Variants in SOX5 observed in about 807,000 individuals in gnomAD.
The protein encoded by SOX5 is SRY-box transcription factor 5.
Under a neutral mutation model 92.0 loss-of-function variants are expected in SOX5, and 9 were observed. The observed-to-expected ratio is 0.10, with a 90% CI of 0.06 to 0.17. The LOEUF (loss-of-function observed/expected upper bound fraction) is 0.17. Among genes scored for constraint, SOX5 ranks in the 10% least tolerant of loss-of-function variants. The pLI, the probability that SOX5 is intolerant of heterozygous loss-of-function variation, is 1.00. For missense variants in SOX5, 642 were observed against 944.5 expected (o/e 0.68, Z 4.20); for synonymous variants, 344 against 336.3 (o/e 1.02, Z -0.25).
chr12:23,569,488 T>C (rs978845111), intron 10 of SOX5, among the ~76,000 whole-genome samples: 4 of 152,216 alleles, frequency 2.6e-5, no homozygotes, highest in Admixed American at 2.0e-4. Context: ...TTTGAAACTC[T>C]TTAATGTTCC....
chr12:24,363,716 G>GAAAAAA, intron 2 of SOX5, among the ~76,000 whole-genome samples: 1 of 145,324 alleles, frequency 6.9e-6, no homozygotes, highest in Non-Finnish European at 1.5e-5. Context: ...GGAAGCACAT[G>GAAAAAA]AAAAAAAAAA....
intron 2 of SOX5, among the ~76,000 whole-genome samples, chr12:24,300,695 G>T (rs892377873): frequency 1.3e-5 from 2 of 152,094 alleles, no homozygotes; most frequent in African/African-American, 2.4e-5. Context: ...TTCATACTTT[G>T]AGTCTTAAAA....
intron 8 of SOX5, among the ~76,000 whole-genome samples, chr12:23,617,836 G>C (rs1469453656): frequency 6.6e-6 from 1 of 152,066 alleles, no homozygotes; most frequent in Non-Finnish European, 1.5e-5. Context: ...TAAAGAACCA[G>C]ATATATTTTG....
At chr12:23,560,164 C>T (rs1945952301) in intron 11 of SOX5, among the ~76,000 whole-genome samples, 1 of 152,210 alleles carries the variant, frequency 6.6e-6, no homozygotes, top group African/African-American at 2.4e-5. Context: ...CCGCCTCGGC[C>T]TCCCAAAGTG....
chr12:23,694,753 T>G (rs1047988126), intron 6 of SOX5, among the ~76,000 whole-genome samples: 1 of 151,816 alleles, frequency 6.6e-6, no homozygotes, highest in South Asian at 2.1e-4. Flanking sequence ...TTTTGCATTT[T>G]ATAAAGGCAA....
intron 8 of SOX5, among the ~76,000 whole-genome samples, chr12:23,609,614 C>T (rs947289079): frequency 6.6e-6 from 1 of 152,158 alleles, no homozygotes; most frequent in African/African-American, 2.4e-5. Flanking sequence ...ATCATCTATT[C>T]TCATTTGTGT....
chr12:23,949,482 G>C lies in SOX5; in HGVS notation c.38+82C>G, dbSNP rs968223128. 6 of 1,538,010 alleles carry C rather than the reference G, an allele frequency of 3.9e-6. No homozygotes were observed. In the African/African-American group the frequency reaches 8.2e-5, roughly 21 times the overall value. ...CTTCTCTAACAAACACGTTTTGGGG[G>C]AGCATCTTCCAATGATTCAGAGACT... On this transcript the variant is annotated intron_variant, in intron 1 of 14. Coordinates refer to ENST00000451604, the MANE Select transcript of SOX5 (RefSeq NM_006940.6).
At chr12:23,993,718 A>T (rs1950763843) in intron 4 of SOX5, among the ~76,000 whole-genome samples, 2 of 152,184 alleles carry the variant, frequency 1.3e-5, no homozygotes, top group Non-Finnish European at 2.9e-5. Context: ...ATTTGAGAAG[A>T]CATAGATATG....
chr12:24,270,646 G>A (rs1943609181), intron 3 of SOX5, among the ~76,000 whole-genome samples: 1 of 152,130 alleles, frequency 6.6e-6, no homozygotes, highest in African/African-American at 2.4e-5. Context: ...AGTGTTCCTG[G>A]ACACAAATTC....
At chr12:24,246,194 A>G (rs548781043) in intron 3 of SOX5, among the ~76,000 whole-genome samples, 2 of 151,998 alleles carry the variant, frequency 1.3e-5, no homozygotes, top group Non-Finnish European at 2.9e-5. Flanking sequence ...CTTAGTTGTC[A>G]CATCACATTG....
At chr12:24,131,887 C>T (rs1909353) in intron 4 of SOX5, among the ~76,000 whole-genome samples, 117,908 of 152,068 alleles carry the variant, frequency 0.78, 46,193 homozygotes, top group East Asian at 0.9. Context: ...ATGACCTATA[C>T]ATTTTGTCTA....
intron 4 of SOX5, among the ~76,000 whole-genome samples, chr12:24,008,594 T>C (rs1394238204): frequency 6.6e-6 from 1 of 152,224 alleles, no homozygotes; most frequent in African/African-American, 2.4e-5. Context: ...TAAGGTATTA[T>C]GACCTCTATT....
chr12:24,379,876 C>CCTTTTT (rs1957649074), intron 1 of SOX5, among the ~76,000 whole-genome samples: 1 of 139,718 alleles, frequency 7.2e-6, no homozygotes, highest in Non-Finnish European at 1.5e-5. Context: ...CCAGAAGATT[C>CCTTTTT]TTTTTTTTTT....
rs548299798 is a variant in SOX5 at position 23,695,828 on chromosome 12, C to T, written c.811-30264G>A. ...CGGTGGCGGGCGCCTATAGTTCCAG[C>T]TACTCGAGAGGCTGAGGCAGGAGAA... On this transcript the variant is annotated intron_variant, in intron 6 of 14. Coordinates refer to ENST00000451604, the MANE Select transcript of SOX5 (RefSeq NM_006940.6). Among the ~76,000 whole-genome samples the T allele has an allele frequency of 1.5e-4, 22 of 150,962 alleles. No individual in the cohort carries two copies. In the South Asian group the frequency reaches 2.5e-3, roughly 17 times the overall value.
chr12:23,959,926 T>G (rs1226264435), intron 4 of SOX5, among the ~76,000 whole-genome samples: 1 of 152,198 alleles, frequency 6.6e-6, no homozygotes, highest in Non-Finnish European at 1.5e-5. Flanking sequence ...ATTTGTTTTC[T>G]CCCTTGCAAT....
chr12:24,428,047 T>A (rs1204136629), intron 1 of SOX5, among the ~76,000 whole-genome samples: 2 of 148,872 alleles, frequency 1.3e-5, no homozygotes, highest in Non-Finnish European at 3.0e-5. Context: ...GCATTCCAGA[T>A]TTTTTTTGAG....
At chr12:24,270,932 A>G (rs1943651927) in intron 3 of SOX5, among the ~76,000 whole-genome samples, 2 of 152,172 alleles carry the variant, frequency 1.3e-5, no homozygotes, top group Non-Finnish European at 2.9e-5. Flanking sequence ...CAGCTGAGTT[A>G]TTTCCGGATT....
At chr12:24,316,237 G>A (rs1949686632) in intron 2 of SOX5, among the ~76,000 whole-genome samples, 1 of 152,188 alleles carries the variant, frequency 6.6e-6, no homozygotes. Context: ...AGGTGGGTGG[G>A]GTTGAGGGGA....
At chr12:24,471,259 C>A (rs1944792550) in intron 1 of SOX5, among the ~76,000 whole-genome samples, 1 of 152,056 alleles carries the variant, frequency 6.6e-6, no homozygotes, top group Non-Finnish European at 1.5e-5. Flanking sequence ...TTTAGTTAAC[C>A]AGAATGTTAA....
Sources: gnomAD v4.1 joint callset for allele counts (sites outside exome capture counted in the v4.1 genomes callset) on GRCh38, gnomAD v4.1.1 for gene constraint, MANE v1.5 for transcripts, NCBI Gene and HGNC (gene_info 2026-07-23, HGNC 2026-07-21) for gene names.